Variants in CD4 observed in about 807,000 individuals in gnomAD.
CD4 encodes T-cell surface glycoprotein CD4.
In CD4, 25 loss-of-function variants were observed where a neutral mutation model predicts 50.5. The ratio of observed to expected loss-of-function variants is 0.49; its 90% CI spans 0.36 to 0.69. CD4 has a LOEUF of 0.69. Ranked by LOEUF, CD4 falls within the 30% of genes least tolerant of loss-of-function variation. The probability of loss-of-function intolerance (pLI) is 0.00; values close to 1 mark genes in which losing one functional copy is unlikely to be tolerated. For missense variants in CD4, 456 were observed against 548.5 expected (o/e 0.83, Z 1.68); for synonymous variants, 207 against 221.9 (o/e 0.93, Z 0.60).
At chr12:6,807,098 C>T (rs993464651) in intron 3 of CD4, among the ~76,000 whole-genome samples, 1 of 151,984 alleles carries the variant, frequency 6.6e-6, no homozygotes, top group South Asian at 2.1e-4. Context: ...ACCCGGGAGG[C>T]GGAGCTTGCA....
chr12:6,796,167 G>T (rs959762859), intron 1 of CD4, among the ~76,000 whole-genome samples: 18 of 152,208 alleles, frequency 1.2e-4, no homozygotes, highest in Admixed American at 1.3e-4. Context: ...CCAGGCTTGT[G>T]GTGGCCACAC....
Position 6,792,651 on chromosome 12 carries a change from G to A in CD4, c.-68+2989G>A, listed in dbSNP as rs1358146505. ...GGCTCCCTCACATCCACCCTGGGCT[G>A]CAGGCGTGCTCGGCAGGCTCCCCAC... On this transcript the variant is annotated intron_variant, in intron 1 of 9. Coordinates refer to ENST00000011653, the MANE Select transcript of CD4 (RefSeq NM_000616.5). The surrounding 1 kb of genome is among the most constrained non-coding windows in gnomAD (Gnocchi z 4.1). Among the ~76,000 whole-genome samples the A allele has an allele frequency of 6.6e-6, 1 of 152,174 alleles. No homozygotes were observed. The highest frequency in any genetic ancestry group is 1.5e-5 in the Non-Finnish European group (1 of 68,034).
At chr12:6,799,811 C>T (rs966126621) in intron 1 of CD4, among the ~76,000 whole-genome samples, 1 of 152,188 alleles carries the variant, frequency 6.6e-6, no homozygotes, top group African/African-American at 2.4e-5. Context: ...GGAGCTGCTC[C>T]TAACTGGTTT....
chr12:6,813,212 TAA>T (rs201216685), intron 3 of CD4, among the ~76,000 whole-genome samples: 1 of 144,738 alleles, frequency 6.9e-6, no homozygotes, highest in African/African-American at 2.7e-5. Flanking sequence ...GGCGGCTAAT[TAA>T]AAAAAATTTT....
Position 6,812,387 on chromosome 12 carries a change from A to AAAG in CD4, c.215-1753_215-1752insGAA, listed in dbSNP as rs1942963818. Among the ~76,000 whole-genome samples, 3 of 152,290 alleles carry AAAG rather than the reference A, an allele frequency of 2.0e-5. No individual in the cohort carries two copies. In the East Asian group the frequency reaches 5.8e-4, roughly 29 times the overall value. ...GACTCCATAAAAACAAACAAACAAAAAAAGAAAGCAGGCTGGGTGTGGTGG... is the reference window on the plus strand; with the variant it reads ...GACTCCATAAAAACAAACAAACAAAAAAGAAAGAAAGCAGGCTGGGTGTGGTGG... On this transcript the variant is annotated intron_variant, in intron 3 of 9. Transcript: ENST00000011653.
chr12:6,793,168 A>G (rs983264618), intron 1 of CD4, among the ~76,000 whole-genome samples: 26 of 152,228 alleles, frequency 1.7e-4, no homozygotes, highest in Admixed American at 8.5e-4. Flanking sequence ...CTGGAAACCC[A>G]CAGCCTCCTC....
chr12:6,804,066 G>A lies in CD4; in HGVS notation c.214+3595G>A, dbSNP rs1314571211. On this transcript the variant is annotated intron_variant, in intron 3 of 9. Transcript: ENST00000011653. ...GCAGAGGTTGCAGTGAGCTGAGATCGCGCCACTACACTCCAGCCTAGGCGA... is the reference window on the plus strand; with the variant it reads ...GCAGAGGTTGCAGTGAGCTGAGATCACGCCACTACACTCCAGCCTAGGCGA... Among the ~76,000 whole-genome samples, 19 of 151,506 alleles carry A rather than the reference G, an allele frequency of 1.3e-4. No homozygotes were observed. In the South Asian group the frequency reaches 2.5e-3, roughly 20 times the overall value.
At chr12:6,797,293 C>T (rs992847363) in intron 1 of CD4, among the ~76,000 whole-genome samples, 5 of 151,970 alleles carry the variant, frequency 3.3e-5, no homozygotes, top group African/African-American at 1.2e-4. Context: ...AACTCTCCTT[C>T]ATCCAAACCC....
intron 1 of CD4, among the ~76,000 whole-genome samples, chr12:6,794,385 T>G (rs1942299542): frequency 6.7e-6 from 1 of 150,102 alleles, no homozygotes; most frequent in Non-Finnish European, 1.5e-5. Flanking sequence ...ATCTTTTTTT[T>G]TTTTGAGATG....
At position 6,817,112 on chromosome 12, in the gene CD4, C is replaced by T. The variant is rs782026818; in HGVS notation, c.956-18C>T. The T allele has an allele frequency of 6.2e-7, 1 of 1,607,884 alleles. No homozygotes were observed. The highest frequency in any genetic ancestry group is 8.5e-7 in the Non-Finnish European group (1 of 1,174,454). On this transcript the variant is annotated intron_variant, in intron 6 of 9. Coordinates refer to ENST00000011653, the MANE Select transcript of CD4 (RefSeq NM_000616.5). The stretch of plus-strand genomic sequence containing the variant: ...CTGAATCTCAGGCCTTTGATCTCAG[C>T]CTCTCGTTCCTCTGCAGCCACTCAG...
At chr12:6,795,312 A>G (rs1365695580) in intron 1 of CD4, among the ~76,000 whole-genome samples, 1 of 136,026 alleles carries the variant, frequency 7.4e-6, no homozygotes, top group Non-Finnish European at 1.7e-5. Flanking sequence ...CCATCTATCT[A>G]CCTACCTGTC....
In CD4 at chr12:6,818,234, T is replaced by C. The variant is rs1943156244; in HGVS notation, c.1157-187T>C. ...CTCTCTCTCCAGAGTGCCCTGGATA[T>C]GGATATGCCCAAACATAAAACCGAT... On this transcript the variant is annotated intron_variant, in intron 7 of 9. Transcript: ENST00000011653. This position sits in a 1 kb window ranked among gnomAD's most constrained non-coding sequence, Gnocchi z 5.0. 6.6e-6 allele frequency among the ~76,000 whole-genome samples: 1 copy of C among 152,158 alleles called. No individual in the cohort carries two copies. The highest frequency in any genetic ancestry group is 1.5e-5 in the Non-Finnish European group (1 of 68,036).
intron 3 of CD4, among the ~76,000 whole-genome samples, chr12:6,805,005 GACT>G (rs1370519543): frequency 1.1e-4 from 14 of 124,576 alleles, no homozygotes; most frequent in Middle Eastern, 4.6e-3. Context: ...GACACAGTGA[GACT>G]ACGTCTCAAA....
At chr12:6,796,215 A>C (rs1942372729) in intron 1 of CD4, among the ~76,000 whole-genome samples, 1 of 152,170 alleles carries the variant, frequency 6.6e-6, no homozygotes, top group South Asian at 2.1e-4. Flanking sequence ...CAAGGGGCTC[A>C]AGCTAGAGGA....
In CD4 at chr12:6,818,291, A is replaced by G; in HGVS notation, c.1157-130A>G. On this transcript the variant is annotated intron_variant, in intron 7 of 9. Transcript: ENST00000011653. This position sits in a 1 kb window ranked among gnomAD's most constrained non-coding sequence, Gnocchi z 5.0. ...GCACTGGCGGCCTTTGAGAGCCCCCAGGCACCCCTCCCCTCTCCCCCAACC... is the reference window on the plus strand; with the variant it reads ...GCACTGGCGGCCTTTGAGAGCCCCCGGGCACCCCTCCCCTCTCCCCCAACC... 5 of 1,181,722 alleles carry G rather than the reference A, an allele frequency of 4.2e-6. No individual in the cohort carries two copies. In the East Asian group the frequency reaches 7.1e-5, roughly 17 times the overall value. 73.2% of individuals were successfully genotyped at this position (1,181,722 alleles called of 1,614,324 possible). A position where few individuals can be genotyped will look rare whatever the true frequency, so the allele number is the denominator to read the frequency against.
intron 3 of CD4, 36 bp from the exon 4 acceptor site, chr12:6,814,106 C>T (rs782414672): frequency 1.0e-5 from 16 of 1,592,786 alleles, no homozygotes; most frequent in East Asian, 4.5e-5. Flanking sequence ...GTCTCCAGGG[C>T]GCCTCAGTCC....
rs782319755 is a variant in CD4, at chr12:6,814,239, A to G, written c.312A>G (p.Ser104=). 1.9e-6 allele frequency: 3 copies of G among 1,614,104 alleles called. No homozygotes were observed. The highest frequency in any genetic ancestry group is 2.2e-5 in the East Asian group (1 of 44,884). ...LIIKNLKIED[S]DTYICEVEDQ... ...TCAAGAATCTTAAGATAGAAGACTC[A>G]GATACTTACATCTGTGAAGTGGAGG... Residue 104 remains serine, a synonymous_variant, in exon 4 of 10, where the codon TCA becomes TCG. Coordinates refer to ENST00000011653, the MANE Select transcript of CD4 (RefSeq NM_000616.5).
rs1246464610 is a variant in CD4 at position 6,818,046 on chromosome 12, A to C, written c.1157-375A>C. ...CATACACGCACACAGGCACACATTC[A>C]CACACATGCACACACGCACACACAT... On this transcript the variant is annotated intron_variant, in intron 7 of 9. Coordinates refer to ENST00000011653, the MANE Select transcript of CD4 (RefSeq NM_000616.5). This position sits in a 1 kb window ranked among gnomAD's most constrained non-coding sequence, Gnocchi z 5.0. Among the ~76,000 whole-genome samples, 2 of 150,408 alleles carry C rather than the reference A, an allele frequency of 1.3e-5. No homozygotes were observed. The highest frequency in any genetic ancestry group is 2.5e-5 in the African/African-American group (1 of 40,792).
chr12:6,804,110 CAAAAT>C (rs1942650549), intron 3 of CD4, among the ~76,000 whole-genome samples: 1 of 89,692 alleles, frequency 1.1e-5, no homozygotes, highest in Non-Finnish European at 2.2e-5. Context: ...GACTCTGTCT[CAAAAT>C]AAATAAATAA....
Sources: gnomAD v4.1 joint callset for allele counts (sites outside exome capture counted in the v4.1 genomes callset) on GRCh38, gnomAD v4.1.1 for gene constraint, Gnocchi (gnomAD v3.1) non-coding constraint, MANE v1.5 for transcripts, NCBI Gene and HGNC (gene_info 2026-07-23, HGNC 2026-07-21) for gene names.